Variants in PXDN observed in about 807,000 individuals in gnomAD.
PXDN encodes the protein peroxidasin, also known as peroxidasin homolog.
Under a neutral mutation model 140.3 loss-of-function variants are expected in PXDN, and 77 were observed. The ratio of observed to expected loss-of-function variants is 0.55; its 90% CI spans 0.46 to 0.66. PXDN has a LOEUF of 0.66. Among genes scored for constraint, PXDN ranks in the 30% least tolerant of loss-of-function variants. The pLI is 0.00. For synonymous variants in PXDN, 911 were observed against 857.4 expected, an observed-to-expected ratio of 1.06 and a Z score of -1.09; for missense variants, 1,838 against 2,039.5, an observed-to-expected ratio of 0.90 and a Z score of 1.90.
rs1188883200 is a variant in PXDN, at chr2:1,637,866, T to TG, written c.4206+979dup. On this transcript the variant is annotated intron_variant, in intron 21 of 22. Coordinates refer to ENST00000252804, the MANE Select transcript of PXDN (RefSeq NM_012293.3). Reference sequence around the variant, plus strand: ...CATGCTGTCCACTCTGACAGCTGCCTGGGGACTTGCACCTGGTCTCTAGGT... The same window carrying TG: ...CATGCTGTCCACTCTGACAGCTGCCTGGGGGACTTGCACCTGGTCTCTAGGT... Among the ~76,000 whole-genome samples the TG allele has an allele frequency of 8.4e-3, 83 of 9,836 alleles. 14 individuals are homozygous for TG. The South Asian group carries it at 0.092, about 11-fold the overall frequency. The allele number at this position is 9,836 out of a possible 152,430, so 6.5% of individuals were successfully genotyped here. A position where few individuals can be genotyped will look rare whatever the true frequency, so the allele number is the denominator to read the frequency against.
intron 1 of PXDN, among the ~76,000 whole-genome samples, chr2:1,725,814 A>G (rs567383809): frequency 4.5e-4 from 69 of 152,370 alleles, no homozygotes; most frequent in African/African-American, 1.6e-3. Context: ...GTAGCCAAAA[A>G]ACACATGAAA....
intron 18 of PXDN, among the ~76,000 whole-genome samples, chr2:1,644,065 C>A: frequency 1.3e-5 from 1 of 74,224 alleles, no homozygotes; most frequent in Non-Finnish European, 2.2e-5. Context: ...GAGCAAGACT[C>A]TGTCTCAAAA....
At position 1,660,683 on chromosome 2, in the gene PXDN, A is replaced by G. The variant is rs957345033; in HGVS notation, c.1837+198T>C. 7.9e-5 allele frequency among the ~76,000 whole-genome samples: 12 copies of G among 152,188 alleles called. No homozygotes were observed. Among genetic ancestry groups the G allele is most frequent in the Non-Finnish European group, 1.6e-4 (11 of 68,022 alleles). On this transcript the variant is annotated intron_variant, in intron 14 of 22. Coordinates refer to ENST00000252804, the MANE Select transcript of PXDN (RefSeq NM_012293.3). The surrounding 1 kb of genome is among the most constrained non-coding windows in gnomAD (Gnocchi z 4.6). Reference sequence around the variant, plus strand: ...CCCGTGGATGGGCAGCAGGGCCTCCAGGTGCCTGTGTGGAGGGGAGGGGCT... The same window carrying G: ...CCCGTGGATGGGCAGCAGGGCCTCCGGGTGCCTGTGTGGAGGGGAGGGGCT...
At chr2:1,744,020 C>A (rs1040804178) in intron 1 of PXDN, among the ~76,000 whole-genome samples, 1 of 152,236 alleles carries the variant, frequency 6.6e-6, no homozygotes, top group South Asian at 2.1e-4. Context: ...GCGCACAGCG[C>A]TCTGTTCCGC....
rs1039597971 is a variant in PXDN at position 1,685,127 on chromosome 2, G to C, written c.417-976C>G. On this transcript the variant is annotated intron_variant, in intron 4 of 22. Transcript: ENST00000252804. This position sits in a 1 kb window ranked among gnomAD's most constrained non-coding sequence, Gnocchi z 5.1. ...CCAGGGCACCAGAGTGCGGCTGCCAGGGCCCGCCCCGTCCCGGGGCCAGCT... is the reference window on the plus strand; with the variant it reads ...CCAGGGCACCAGAGTGCGGCTGCCACGGCCCGCCCCGTCCCGGGGCCAGCT... Among the ~76,000 whole-genome samples, 1 of 152,208 alleles carries C rather than the reference G, an allele frequency of 6.6e-6. No homozygotes were observed. The highest frequency in any genetic ancestry group is 2.1e-4 in the South Asian group (1 of 4,834).
intron 11 of PXDN, 194 bp downstream of exon 11, chr2:1,664,764 C>A: frequency 3.6e-6 from 2 of 556,566 alleles, no homozygotes; most frequent in Non-Finnish European, 6.4e-6. Context: ...CCATGAGGGA[C>A]GGCCATGCAT....
At chr2:1,711,057 C>T (rs1449239644) in intron 1 of PXDN, among the ~76,000 whole-genome samples, 1 of 75,248 alleles carries the variant, frequency 1.3e-5, no homozygotes, top group African/African-American at 5.0e-5. Context: ...TACCAGCACC[C>T]GCTCCACAAG....
intron 1 of PXDN, among the ~76,000 whole-genome samples, chr2:1,696,066 C>T (rs1451117869): frequency 6.6e-6 from 1 of 152,244 alleles, no homozygotes; most frequent in Non-Finnish European, 1.5e-5. Flanking sequence ...AGTAAAAGTG[C>T]AAAACTCACA....
rs757940845 is a variant in PXDN at position 1,648,492 on chromosome 2, G to A, written c.3288C>T (p.Leu1096=). ...ENFQPIAQDH[L]PLHKAFFSPF... The stretch of plus-strand genomic sequence containing the variant: ...GAGAGAAGAAAGCTTTGTGAAGGGG[G>A]AGGTGATCTTGTGCAATGGGCTGGA... The change falls in exon 17 of 23, where the codon CTC becomes CTT. Residue 1096 remains leucine (L), a synonymous_variant. Coordinates refer to ENST00000252804, the MANE Select transcript of PXDN (RefSeq NM_012293.3). The surrounding 1 kb of genome is among the most constrained non-coding windows in gnomAD (Gnocchi z 8.9). 11 of 1,611,942 alleles carry A rather than the reference G, an allele frequency of 6.8e-6. No individual in the cohort carries two copies. The South Asian group carries it at 7.7e-5, about 11-fold the overall frequency.
intron 21 of PXDN, chr2:1,635,898 A>C (rs1204849932): frequency 5.8e-6 from 2 of 345,060 alleles, no homozygotes; most frequent in South Asian, 2.3e-5. Context: ...CCGAGTAACA[A>C]CACCACTGGC....
intron 1 of PXDN, among the ~76,000 whole-genome samples, chr2:1,737,351 C>CT (rs1685445157): frequency 6.6e-6 from 1 of 152,094 alleles, no homozygotes; most frequent in Non-Finnish European, 1.5e-5. Flanking sequence ...TGACTGATCT[C>CT]GTATCTACGC....
chr2:1,648,652 C>G lies in PXDN; in HGVS notation c.3128G>C (p.Gly1043Ala). ...HWLPKILGEV[G>A]MRTLGEYHGY... is the part of the protein sequence containing the mutation. Reference sequence around the variant, plus strand: ...GTGGTACTCTCCCAGCGTCCTCATGCCCACCTCCCCCAGGATCTTCGGGAG... The same window carrying G: ...GTGGTACTCTCCCAGCGTCCTCATGGCCACCTCCCCCAGGATCTTCGGGAG... The change falls in exon 17 of 23, where the codon GGC becomes GCC. Residue 1043 changes from glycine to alanine, a missense_variant. Gly to Ala is a moderately conservative substitution (Grantham distance 60, BLOSUM62 0). Transcript: ENST00000252804. This position sits in a 1 kb window ranked among gnomAD's most constrained non-coding sequence, Gnocchi z 8.9. 6.2e-7 allele frequency: 1 copy of G among 1,609,196 alleles called. No individual in the cohort carries two copies.
Position 1,677,064 on chromosome 2 carries a change from G to A in PXDN, c.731-20C>T. The A allele has an allele frequency of 6.4e-7, 1 of 1,564,094 alleles. No homozygotes were observed. Among genetic ancestry groups the A allele is most frequent in the East Asian group, 2.3e-5 (1 of 43,372 alleles). The stretch of plus-strand genomic sequence containing the variant: ...GCCTTTCTGTGCCCAACCAGAAAAT[G>A]GAAACCTTTTTAGTCTAAACCATGA... On this transcript the variant is annotated intron_variant, in intron 7 of 22. Coordinates refer to ENST00000252804, the MANE Select transcript of PXDN (RefSeq NM_012293.3).
intron 7 of PXDN, 80 bp from the exon 8 acceptor site, chr2:1,677,124 T>C: frequency 7.7e-7 from 1 of 1,306,544 alleles, no homozygotes; most frequent in Non-Finnish European, 1.0e-6. Flanking sequence ...CTGAGTTCTC[T>C]GTGTCCAAAA....
chr2:1,665,912 C>A (rs974102016), intron 10 of PXDN, among the ~76,000 whole-genome samples: 1 of 152,166 alleles, frequency 6.6e-6, no homozygotes, highest in Non-Finnish European at 1.5e-5. Flanking sequence ...TGTGTGCACA[C>A]CCACACACAC....
At chr2:1,709,973 G>T (rs1022137138) in intron 1 of PXDN, among the ~76,000 whole-genome samples, 2 of 152,104 alleles carry the variant, frequency 1.3e-5, no homozygotes, top group Non-Finnish European at 2.9e-5. Context: ...GGTGTTTGTG[G>T]GGCTGCCCAG....
At chr2:1,732,233 A>G (rs6758408) in intron 1 of PXDN, among the ~76,000 whole-genome samples, 107,441 of 151,856 alleles carry the variant, frequency 0.71, 38,161 homozygotes, top group Admixed American at 0.78. Flanking sequence ...AACGCTGAGA[A>G]CCCGGGGAGG....
At chr2:1,677,209 A>G (rs1032971552) in intron 7 of PXDN, among the ~76,000 whole-genome samples, 165 bp from the exon 8 acceptor site, 8 of 152,140 alleles carry the variant, frequency 5.3e-5, no homozygotes, top group African/African-American at 1.9e-4. Flanking sequence ...GCTTCTCTAC[A>G]GCCCCGTCTA....
intron 1 of PXDN, among the ~76,000 whole-genome samples, chr2:1,733,850 G>T (rs6733025): frequency 0.75 from 113,294 of 151,350 alleles, 42,562 homozygotes; most frequent in East Asian, 0.94. Flanking sequence ...AGAAAGCACT[G>T]TTTAAACATC....
Sources: gnomAD v4.1 joint callset for allele counts (sites outside exome capture counted in the v4.1 genomes callset) on GRCh38, gnomAD v4.1.1 for gene constraint, Gnocchi (gnomAD v3.1) non-coding constraint, MANE v1.5 for transcripts, NCBI Gene and HGNC (gene_info 2026-07-23, HGNC 2026-07-21) for gene names.